Variants in SHTN1 observed in about 807,000 individuals in gnomAD.
SHTN1 encodes shootin-1.
In SHTN1, 42 loss-of-function variants were observed where a neutral mutation model predicts 83.1. The ratio of observed to expected loss-of-function variants is 0.51; its 90% CI spans 0.39 to 0.65. The LOEUF (loss-of-function observed/expected upper bound fraction) is 0.65. Ranked by LOEUF, SHTN1 falls within the 30% of genes least tolerant of loss-of-function variation. SHTN1 has a pLI of 0.00. For missense variants in SHTN1, 622 were observed against 737.8 expected (o/e 0.84, Z 1.82); for synonymous variants, 224 against 247.7 (o/e 0.90, Z 0.90).
At chr10:117,060,555 T>C (rs1371529222) in intron 1 of SHTN1, among the ~76,000 whole-genome samples, 1 of 152,178 alleles carries the variant, frequency 6.6e-6, no homozygotes, top group African/African-American at 2.4e-5. Flanking sequence ...CTTCAAAGAA[T>C]TAATAAACAG....
chr10:117,010,544 A>C (rs1286809117), upstream of SHTN1, among the ~76,000 whole-genome samples: 1 of 152,194 alleles, frequency 6.6e-6, no homozygotes, highest in South Asian at 2.1e-4. Flanking sequence ...TTTCTAAAAC[A>C]CAAAAAAGGA....
At chr10:117,045,288 C>A (rs188361543) in intron 2 of SHTN1, among the ~76,000 whole-genome samples, 31 of 152,206 alleles carry the variant, frequency 2.0e-4, no homozygotes, top group African/African-American at 7.0e-4. Context: ...AAGTGTGCAA[C>A]AATCTGATGG....
At chr10:116,927,526 C>T (rs1001530209) in intron 11 of SHTN1, among the ~76,000 whole-genome samples, 1 of 152,090 alleles carries the variant, frequency 6.6e-6, no homozygotes, top group Admixed American at 6.6e-5. Flanking sequence ...ACCATCAGAT[C>T]TCATGAGATT....
At chr10:116,886,686 T>C in intron 16 of SHTN1, 120 bp from the exon 17 acceptor site, 7 of 1,339,880 alleles carry the variant, frequency 5.2e-6, no homozygotes, top group Non-Finnish European at 7.1e-6. Flanking sequence ...TCAACATGCA[T>C]ATAGTAGTCT....
In SHTN1 at chr10:116,886,241, C is replaced by A; in HGVS notation, c.*103G>T. On this transcript the variant is annotated 3_prime_UTR_variant, in exon 17 of 17. Transcript: ENST00000355371. ...CAGAAAAGAACCTGTATTCTGAATA[C>A]AGTGACCAGAGCAGAATGTCTACAG... The A allele has an allele frequency of 6.8e-7, 1 of 1,465,636 alleles. No individual in the cohort carries two copies. The highest frequency in any genetic ancestry group is 9.2e-7 in the Non-Finnish European group (1 of 1,085,528). 90.8% of individuals were successfully genotyped at this position (1,465,636 alleles called of 1,614,324 possible).
chr10:117,027,049 G>A (rs1316870409), intron 2 of SHTN1, among the ~76,000 whole-genome samples: 2 of 152,206 alleles, frequency 1.3e-5, no homozygotes, highest in Non-Finnish European at 2.9e-5. Context: ...GACTCCATTT[G>A]TTTGGCAGAA....
chr10:117,010,880 A>G (rs1852093676), intron 2 of SHTN1, among the ~76,000 whole-genome samples: 1 of 152,232 alleles, frequency 6.6e-6, no homozygotes, highest in Admixed American at 6.5e-5. Flanking sequence ...GCATCGTTTC[A>G]CCATAAAAAC....
intron 1 of SHTN1, among the ~76,000 whole-genome samples, chr10:116,984,756 A>G (rs1272811868): frequency 6.6e-6 from 1 of 152,156 alleles, no homozygotes; most frequent in African/African-American, 2.4e-5. Context: ...TTCTTTACAC[A>G]GCAGTTAGTT....
At chr10:117,018,483 T>C (rs974572651) in intron 2 of SHTN1, among the ~76,000 whole-genome samples, 6 of 145,402 alleles carry the variant, frequency 4.1e-5, no homozygotes, top group Non-Finnish European at 9.0e-5. Flanking sequence ...CTCAATCTGA[T>C]AAAGGGTGTA....
At chr10:116,991,949 C>G (rs554246545) in intron 1 of SHTN1, among the ~76,000 whole-genome samples, 2 of 152,228 alleles carry the variant, frequency 1.3e-5, no homozygotes, top group South Asian at 4.1e-4. Context: ...CAAGACCAGC[C>G]TGAGCAGCAT....
At chr10:117,023,015 A>C (rs1250279550) in intron 2 of SHTN1, among the ~76,000 whole-genome samples, 2 of 152,256 alleles carry the variant, frequency 1.3e-5, no homozygotes. Flanking sequence ...AGTTATGGCT[A>C]CACTGCCAAT....
At chr10:117,071,699 A>T (rs10886037) in intron 1 of SHTN1, among the ~76,000 whole-genome samples, 29,772 of 152,026 alleles carry the variant, frequency 0.2, 3,192 homozygotes, top group East Asian at 0.43. Context: ...TCTGCTTATT[A>T]TAACAGTCTA....
chr10:116,952,613 T>C (rs1415531857), intron 5 of SHTN1, among the ~76,000 whole-genome samples: 3 of 152,212 alleles, frequency 2.0e-5, no homozygotes, highest in African/African-American at 7.2e-5. Flanking sequence ...CAATGAAAAG[T>C]GTGTCACTAG....
At chr10:117,096,691 C>T (rs891657624) in intron 1 of SHTN1, among the ~76,000 whole-genome samples, 1 of 152,136 alleles carries the variant, frequency 6.6e-6, no homozygotes, top group East Asian at 1.9e-4. Context: ...GTACAGAAGG[C>T]CCCTATTTAA....
chr10:117,003,672 G>A (rs1467290230), intron 1 of SHTN1, among the ~76,000 whole-genome samples: 1 of 151,886 alleles, frequency 6.6e-6, no homozygotes, highest in African/African-American at 2.4e-5. Flanking sequence ...TGATTGACCA[G>A]AAGATCCACG....
At chr10:117,048,029 A>G (rs2133585954) in intron 2 of SHTN1, among the ~76,000 whole-genome samples, 1 of 152,296 alleles carries the variant, frequency 6.6e-6, no homozygotes, top group Admixed American at 6.5e-5. Context: ...ACTACTGAAG[A>G]TCAGTTTTTA....
chr10:117,061,863 A>G (rs1208241337), intron 1 of SHTN1, among the ~76,000 whole-genome samples: 9 of 152,192 alleles, frequency 5.9e-5, no homozygotes, highest in African/African-American at 1.7e-4. Flanking sequence ...TACAAAACAC[A>G]TTCCATGCTA....
chr10:116,881,625 C>T lies in SHTN1; in HGVS notation c.*4719G>A, dbSNP rs1446837937. On this transcript the variant is annotated 3_prime_UTR_variant, in exon 17 of 17. Coordinates refer to ENST00000355371, the MANE Select transcript of SHTN1 (RefSeq NM_001127211.3). ...GCCGCTGGTGCCCACCTTCCCCACA[C>T]AAGGTGTAGAGGAATCAGCCGAAAC... The T allele has an allele frequency of 1.3e-6, 2 of 1,550,430 alleles. No individual in the cohort carries two copies. Among genetic ancestry groups the T allele is most frequent in the East Asian group, 2.4e-5 (1 of 40,906 alleles).
rs182688983 is a variant in SHTN1 at position 116,977,157 on chromosome 10, T to C, written c.111+2099A>G. ...ACAGATGTTTACAGAGCATCTACTA[T>C]GTATTTTTAGGGCACTGCTAGGTCT... On this transcript the variant is annotated intron_variant, in intron 2 of 16. Transcript: ENST00000355371. Among the ~76,000 whole-genome samples the C allele has an allele frequency of 2.4e-3, 370 of 152,362 alleles. 2 individuals carry two copies. Among genetic ancestry groups the C allele is most frequent in the African/African-American group, 8.4e-3 (349 of 41,590 alleles).
Sources: gnomAD v4.1 joint callset for allele counts (sites outside exome capture counted in the v4.1 genomes callset) on GRCh38, gnomAD v4.1.1 for gene constraint, MANE v1.5 for transcripts, NCBI Gene and HGNC (gene_info 2026-07-23, HGNC 2026-07-21) for gene names.